COL28A1: variants seen among roughly 807,000 people sequenced by gnomAD.
COL28A1 encodes collagen type XXVIII alpha 1 chain.
COL28A1 carries 161 observed loss-of-function variants against 150.2 expected under a neutral mutation model. That is an observed-to-expected ratio of 1.07 (90% CI 0.94 to 1.22). The LOEUF is 1.22. Ranked by LOEUF, COL28A1 falls within the 50% of genes most tolerant of loss-of-function variation. The pLI is 0.00. For missense variants in COL28A1, 1,617 were observed against 1,388.3 expected (o/e 1.16, Z -2.62); for synonymous variants, 552 against 469.7 (o/e 1.18, Z -2.26).
At chr7:7,439,362 A>G (rs934142174) in intron 21 of COL28A1, among the ~76,000 whole-genome samples, 1 of 152,222 alleles carries the variant, frequency 6.6e-6, no homozygotes, top group Non-Finnish European at 1.5e-5. Context: ...GGGAAACACA[A>G]AAAAACCCCA....
intron 13 of COL28A1, among the ~76,000 whole-genome samples, chr7:7,477,514 T>C (rs1788998472): frequency 6.6e-6 from 1 of 152,220 alleles, no homozygotes; most frequent in East Asian, 1.9e-4. Context: ...TCTCACTGAC[T>C]TCAAGAATGA....
chr7:7,384,277 A>T (rs1782057970), intron 27 of COL28A1, among the ~76,000 whole-genome samples: 1 of 152,178 alleles, frequency 6.6e-6, no homozygotes, highest in South Asian at 2.1e-4. Context: ...TCTTGGGCCC[A>T]CCTAAGGAGG....
At chr7:7,434,544 T>C (rs1040092063) in intron 23 of COL28A1, among the ~76,000 whole-genome samples, 3 of 152,232 alleles carry the variant, frequency 2.0e-5, no homozygotes, top group African/African-American at 7.2e-5. Flanking sequence ...TTTTTATTTC[T>C]ACAGTCCAAA....
intron 33 of COL28A1, among the ~76,000 whole-genome samples, chr7:7,369,794 G>C (rs905021503): frequency 3.3e-5 from 5 of 152,102 alleles, no homozygotes; most frequent in African/African-American, 4.8e-5. Context: ...GCTGAATCCT[G>C]ATGTTAGAAC....
At chr7:7,522,111 G>C in intron 4 of COL28A1, 150 bp from the exon 5 acceptor site, 1 of 692,044 alleles carries the variant, frequency 1.4e-6, no homozygotes, top group Non-Finnish European at 2.6e-6. Context: ...ACCAACTGGA[G>C]CACTCTCAAA....
At chr7:7,465,100 G>A (rs573850025) in intron 15 of COL28A1, among the ~76,000 whole-genome samples, 19 of 150,864 alleles carry the variant, frequency 1.3e-4, no homozygotes, top group African/African-American at 3.9e-4. Context: ...ACCGGGGGAG[G>A]AGCCAAGATG....
At chr7:7,528,772 G>A (rs1782173369) in intron 3 of COL28A1, among the ~76,000 whole-genome samples, 1 of 152,140 alleles carries the variant, frequency 6.6e-6, no homozygotes, top group Non-Finnish European at 1.5e-5. Flanking sequence ...ATTTGGGGAG[G>A]TGATGGAAAT....
chr7:7,365,263 T>G (rs1780876701), intron 33 of COL28A1, among the ~76,000 whole-genome samples: 1 of 31,670 alleles, frequency 3.2e-5, no homozygotes, highest in Non-Finnish European at 1.5e-4. Context: ...TTAATAAATC[T>G]TAAATCTGAA....
At chr7:7,452,479 A>T in intron 17 of COL28A1, 92 bp from the exon 18 acceptor site, 1 of 1,473,260 alleles carries the variant, frequency 6.8e-7, no homozygotes, top group Non-Finnish European at 9.0e-7. Context: ...CAACAAAGTA[A>T]AACAGTTTCA....
downstream of COL28A1, among the ~76,000 whole-genome samples, chr7:7,351,940 T>C (rs1780239470): frequency 6.6e-6 from 1 of 152,288 alleles, no homozygotes; most frequent in South Asian, 2.1e-4. Flanking sequence ...CATTCTACTC[T>C]CTTTCCTTTT....
chr7:7,496,719 A>G (rs1583505006), intron 11 of COL28A1, among the ~76,000 whole-genome samples: 1 of 152,326 alleles, frequency 6.6e-6, no homozygotes, highest in African/African-American at 2.4e-5. Flanking sequence ...TTATTTGTGG[A>G]CAGAACTTTA....
At chr7:7,389,363 T>A (rs1027985844) in intron 27 of COL28A1, among the ~76,000 whole-genome samples, 2 of 152,192 alleles carry the variant, frequency 1.3e-5, no homozygotes, top group Non-Finnish European at 2.9e-5. Context: ...AACATATCTG[T>A]TTTGGTACCA....
chr7:7,372,227 A>G (rs889581662), intron 32 of COL28A1, among the ~76,000 whole-genome samples: 23 of 151,634 alleles, frequency 1.5e-4, no homozygotes, highest in African/African-American at 5.3e-4. Flanking sequence ...GTGAAACCCT[A>G]TCTATACTAA....
chr7:7,390,158 T>G (rs113788803), intron 27 of COL28A1, among the ~76,000 whole-genome samples: 3,054 of 152,316 alleles, frequency 0.02, 103 homozygotes, highest in African/African-American at 0.07. Flanking sequence ...TATTTTGAGA[T>G]ATGATCCATC....
Position 7,425,240 on chromosome 7 carries a change from T to G in COL28A1, c.1999-5287A>C, listed in dbSNP as rs986169151. On this transcript the variant is annotated intron_variant, in intron 25 of 34. Coordinates refer to ENST00000399429, the MANE Select transcript of COL28A1 (RefSeq NM_001037763.3). The stretch of plus-strand genomic sequence containing the variant: ...CCAAAAACCAGGCAGTCTGAAGCAA[T>G]TCAAACCCAGGTATGACTCCAGAAC... 2.0e-5 allele frequency among the ~76,000 whole-genome samples: 3 copies of G among 152,130 alleles called. No individual in the cohort carries two copies. In the South Asian group the frequency reaches 6.2e-4, roughly 32 times the overall value.
Position 7,436,409 on chromosome 7 carries a change from T to C in COL28A1, c.1846A>G (p.Ile616Val). ...ATAAAGCATACCTTTGGTCCTCGAA[T>C]AGAAAGTCCAGGTTCTCCCTTAAAT... Reference protein sequence around the residue: ...PGFKGEPGLSIRGPKGVQGPR... With the variant: ...PGFKGEPGLSVRGPKGVQGPR... Residue 616 changes from isoleucine to valine, a missense_variant, in exon 23 of 35, where the codon ATT becomes GTT. Transcript: ENST00000399429. 3 of 1,396,558 alleles carry C rather than the reference T, an allele frequency of 2.1e-6. No homozygotes were observed. The highest frequency in any genetic ancestry group is 3.1e-6 in the Non-Finnish European group (3 of 981,098). The allele number at this position is 1,396,558 out of a possible 1,614,324, so 86.5% of individuals were successfully genotyped here.
intron 6 of COL28A1, among the ~76,000 whole-genome samples, chr7:7,518,124 T>G (rs980400655): frequency 8.5e-5 from 13 of 152,132 alleles, no homozygotes; most frequent in African/African-American, 2.9e-4. Context: ...TGTTCTCAAA[T>G]ACATCATTAT....
intron 34 of COL28A1, 133 bp downstream of exon 34, chr7:7,360,257 C>G (rs1473467078): frequency 3.5e-5 from 28 of 807,020 alleles, no homozygotes; most frequent in Non-Finnish European, 4.5e-5. Context: ...AACATTTTCT[C>G]TCTGGGTAAC....
intron 27 of COL28A1, among the ~76,000 whole-genome samples, chr7:7,400,980 GT>G (rs1783155438): frequency 8.8e-5 from 8 of 90,472 alleles, no homozygotes; most frequent in African/African-American, 1.6e-4. Flanking sequence ...ATTTGGGTGT[GT>G]GTGTGTGTGT....
Sources: gnomAD v4.1 joint callset for allele counts (sites outside exome capture counted in the v4.1 genomes callset) on GRCh38, gnomAD v4.1.1 for gene constraint, MANE v1.5 for transcripts, NCBI Gene and HGNC (gene_info 2026-07-23, HGNC 2026-07-21) for gene names.